The following PTPRD variants were observed in gnomAD, a reference collection of about 807,000 sequenced individuals.
PTPRD encodes the protein protein tyrosine phosphatase receptor type D.
Under a neutral mutation model 214.5 loss-of-function variants are expected in PTPRD, and 34 were observed. That is an observed-to-expected ratio of 0.16 (90% CI 0.12 to 0.21). The LOEUF is 0.21. PTPRD is among the 10% of genes least tolerant of loss of function. The pLI is 1.00. For synonymous variants in PTPRD, 1,128 were observed against 845.7 expected (o/e 1.33, Z -5.79); for missense variants, 2,545 against 2,398.7 (o/e 1.06, Z -1.27).
intron 10 of PTPRD, 120 bp from the exon 11 acceptor site, chr9:9,018,855 G>T (rs757292350): frequency 6.6e-6 from 1 of 152,122 alleles, no homozygotes; most frequent in Non-Finnish European, 1.5e-5. Context: ...ATTCCAACAA[G>T]AAGTGAAATT....
At chr9:8,581,141 G>A (rs778861975) in intron 14 of PTPRD, among the ~76,000 whole-genome samples, 1 of 151,940 alleles carries the variant, frequency 6.6e-6, no homozygotes. Context: ...GGAACAGAGA[G>A]TCAAGTTAAA....
chr9:10,096,172 G>A (rs889941058), intron 3 of PTPRD, among the ~76,000 whole-genome samples: 8 of 151,524 alleles, frequency 5.3e-5, no homozygotes, highest in South Asian at 4.2e-4. Context: ...TTTCTTCTAC[G>A]GTACACTACT....
chr9:9,817,746 G>C (rs922105348), intron 5 of PTPRD, among the ~76,000 whole-genome samples: 1 of 152,186 alleles, frequency 6.6e-6, no homozygotes. Flanking sequence ...TAACTGTCCT[G>C]ATACAAGGGT....
chr9:9,233,451 C>T (rs763737895), intron 9 of PTPRD, among the ~76,000 whole-genome samples: 5 of 152,228 alleles, frequency 3.3e-5, no homozygotes, highest in South Asian at 2.1e-4. Context: ...CATTCTGCCC[C>T]GGGCCACTCC....
At chr9:9,674,204 A>G (rs2096885582) in intron 7 of PTPRD, among the ~76,000 whole-genome samples, 1 of 151,846 alleles carries the variant, frequency 6.6e-6, no homozygotes, top group Non-Finnish European at 1.5e-5. Flanking sequence ...ATAAATGGTA[A>G]TGGAGCTGAT....
chr9:9,098,076 T>A (rs111441585), intron 10 of PTPRD, among the ~76,000 whole-genome samples: 2,237 of 151,834 alleles, frequency 0.015, 53 homozygotes, highest in African/African-American at 0.05. Context: ...AAAGTAAATA[T>A]ATTTATATGG....
At chr9:9,007,870 C>A (rs561720892) in intron 11 of PTPRD, among the ~76,000 whole-genome samples, 2 of 134,330 alleles carry the variant, frequency 1.5e-5, no homozygotes, top group African/African-American at 5.2e-5. Flanking sequence ...AAGATATGAC[C>A]CATTTTAGAA....
At chr9:8,879,420 C>T (rs966287821) in intron 11 of PTPRD, among the ~76,000 whole-genome samples, 1 of 152,076 alleles carries the variant, frequency 6.6e-6, no homozygotes, top group Non-Finnish European at 1.5e-5. Flanking sequence ...CATGTATTTA[C>T]TCAAATGTCC....
intron 9 of PTPRD, among the ~76,000 whole-genome samples, chr9:9,333,792 G>A (rs956095104): frequency 3.3e-5 from 5 of 151,762 alleles, no homozygotes; most frequent in African/African-American, 9.7e-5. Context: ...ACACTAATTT[G>A]TAGATGTGGT....
intron 10 of PTPRD, among the ~76,000 whole-genome samples, chr9:9,172,651 T>C (rs1478976216): frequency 6.6e-6 from 1 of 152,136 alleles, no homozygotes; most frequent in African/African-American, 2.4e-5. Flanking sequence ...GGGTTTGGCA[T>C]ATAGATGGCA....
At chr9:9,049,301 C>T (rs1007982368) in intron 10 of PTPRD, among the ~76,000 whole-genome samples, 1 of 152,148 alleles carries the variant, frequency 6.6e-6, no homozygotes, top group Non-Finnish European at 1.5e-5. Flanking sequence ...TTAATTTTCT[C>T]ATGGAACCCT....
intron 4 of PTPRD, among the ~76,000 whole-genome samples, chr9:9,966,946 G>C (rs186810393): frequency 1.3e-5 from 2 of 152,118 alleles, no homozygotes; most frequent in Middle Eastern, 3.2e-3. Context: ...TCTTACAAAT[G>C]CTAGTCCCAT....
intron 7 of PTPRD, among the ~76,000 whole-genome samples, chr9:9,651,044 T>A (rs539783640): frequency 1.3e-5 from 2 of 152,108 alleles, no homozygotes; most frequent in Admixed American, 6.5e-5. Flanking sequence ...TATTGTATAA[T>A]AAGGAAACTT....
intron 10 of PTPRD, among the ~76,000 whole-genome samples, chr9:9,102,673 A>G (rs1424799151): frequency 2.6e-5 from 4 of 152,216 alleles, no homozygotes; most frequent in Non-Finnish European, 5.9e-5. Context: ...ACATTTTCTT[A>G]AATATACAGA....
At chr9:9,420,108 T>C (rs1202982729) in intron 8 of PTPRD, among the ~76,000 whole-genome samples, 1 of 35,760 alleles carries the variant, frequency 2.8e-5, no homozygotes, top group African/African-American at 9.9e-5. Context: ...TACCAGACAC[T>C]ATAATATTTA....
chr9:9,783,248 T>C (rs1267351837), intron 5 of PTPRD, among the ~76,000 whole-genome samples: 1 of 152,218 alleles, frequency 6.6e-6, no homozygotes, highest in Non-Finnish European at 1.5e-5. Context: ...TGTGCATTTG[T>C]ATATTTTTTT....
At chr9:10,328,320 A>T (rs745716493) in intron 3 of PTPRD, among the ~76,000 whole-genome samples, 1 of 151,738 alleles carries the variant, frequency 6.6e-6, no homozygotes, top group African/African-American at 2.4e-5. Flanking sequence ...TGTGTATTGA[A>T]TTACACCCGG....
intron 12 of PTPRD, among the ~76,000 whole-genome samples, chr9:8,722,451 G>A (rs957422458): frequency 4.0e-5 from 6 of 151,582 alleles, no homozygotes; most frequent in African/African-American, 1.5e-4. Flanking sequence ...CATTCCCATT[G>A]GTCTTAAAAT....
rs1453158517 is a variant in PTPRD, at chr9:10,366,467, G to C, written c.-599-25450C>G. ...GTTCCCAGGACAGCCAAAAACTGTG[G>C]AATGAGCACACTATACCAGACAAAG... On this transcript the variant is annotated intron_variant, in intron 2 of 45. Transcript: ENST00000381196. Among the ~76,000 whole-genome samples, 3 of 152,202 alleles carry C rather than the reference G, an allele frequency of 2.0e-5. No individual in the cohort carries two copies. In the East Asian group the frequency reaches 5.8e-4, roughly 29 times the overall value.
Sources: allele counts gnomAD v4.1 joint callset (sites outside exome capture counted in the v4.1 genomes callset), GRCh38; gene constraint gnomAD v4.1.1; transcripts MANE v1.5; gene names NCBI Gene and HGNC (gene_info 2026-07-23, HGNC 2026-07-21).